HMG20A: variants seen among roughly 807,000 people sequenced by gnomAD.
HMG20A encodes high mobility group protein 20A.
A neutral mutation model predicts 43.9 loss-of-function variants in HMG20A; 17 were observed. The ratio of observed to expected loss-of-function variants is 0.39; its 90% CI spans 0.27 to 0.58. The LOEUF (loss-of-function observed/expected upper bound fraction) is 0.58. Among genes scored for constraint, HMG20A ranks in the 20% least tolerant of loss-of-function variants. HMG20A has a pLI of 0.59. For missense variants in HMG20A, 341 were observed against 438.2 expected, an observed-to-expected ratio of 0.78 and a Z score of 1.98; for synonymous variants, 132 against 147.5, an observed-to-expected ratio of 0.89 and a Z score of 0.76.
the HMG20A span, among the ~76,000 whole-genome samples, chr15:77,517,084 G>A: frequency 6.6e-6 from 1 of 152,284 alleles, no homozygotes; most frequent in African/African-American, 2.4e-5. Context: ...CTTGGTCCTA[G>A]AAGACCTAGG....
At chr15:77,490,218 G>T (rs1279507230), downstream of HMG20A, among the ~76,000 whole-genome samples, 2 of 152,154 alleles carry the variant, frequency 1.3e-5, no homozygotes, top group African/African-American at 2.4e-5. Context: ...AACCCAGGAG[G>T]TGGGGGTTGC....
chr15:77,446,595 CA>C (rs1253618180), intron 1 of HMG20A, among the ~76,000 whole-genome samples: 1 of 152,136 alleles, frequency 6.6e-6, no homozygotes, highest in Non-Finnish European at 1.5e-5. Flanking sequence ...ATCACAAGGT[CA>C]GGAGATCGAG....
At position 77,464,297 on chromosome 15, in the gene HMG20A, A is replaced by C; in HGVS notation, c.147A>C (p.Pro49=). The change falls in exon 3 of 10, where the codon CCA becomes CCC. Residue 49 remains proline, a synonymous_variant. Transcript: ENST00000336216. The part of the protein sequence containing the change: ...SSGATSSTNN[P]EFVEDLSQGQ... ...GCGCCACATCATCCACCAACAATCC[A>C]GAATTTGTGGAGGATCTCTCTCAAG... 1 of 1,613,928 alleles carries C rather than the reference A, an allele frequency of 6.2e-7. No homozygotes were observed. Among genetic ancestry groups the C allele is most frequent in the South Asian group, 1.1e-5 (1 of 91,072 alleles).
intron 6 of HMG20A, 112 bp from the exon 7 acceptor site, chr15:77,477,442 AT>A (rs2072866766): frequency 5.3e-6 from 4 of 759,276 alleles, no homozygotes; most frequent in Middle Eastern, 7.2e-4. Context: ...ACCTGGACTG[AT>A]TCCTGCTCAC....
At chr15:77,443,379 G>GATTATTATT (rs58715798) in intron 1 of HMG20A, among the ~76,000 whole-genome samples, 5,444 of 131,220 alleles carry the variant, frequency 0.041, 162 homozygotes, top group Non-Finnish European at 0.056. Flanking sequence ...TGATGATGAT[G>GATTATTATT]ATTATTATTA....
At chr15:77,443,668 T>C (rs1323051387) in intron 1 of HMG20A, among the ~76,000 whole-genome samples, 1 of 151,774 alleles carries the variant, frequency 6.6e-6, no homozygotes, top group African/African-American at 2.4e-5. Flanking sequence ...TTGAATATTT[T>C]GATGTATTTC....
At chr15:77,491,970 G>A in the HMG20A span, among the ~76,000 whole-genome samples, 7 of 152,328 alleles carry the variant, frequency 4.6e-5, no homozygotes, top group East Asian at 1.4e-3. Flanking sequence ...CCTCAAGGCT[G>A]TTTTTGCAAG....
the HMG20A span, among the ~76,000 whole-genome samples, chr15:77,498,004 CT>C: frequency 6.6e-6 from 1 of 152,068 alleles, no homozygotes; most frequent in Non-Finnish European, 1.5e-5. Flanking sequence ...AGTGGAAGAT[CT>C]TTATCTAGGT....
At chr15:77,471,885 A>ATT in intron 6 of HMG20A, 71 bp downstream of exon 6, 146 of 638,416 alleles carry the variant, frequency 2.3e-4, no homozygotes, top group South Asian at 4.8e-4. Context: ...ATGCTATTGG[A>ATT]TTTTTTTTTT....
chr15:77,519,834 G>C, the HMG20A span, among the ~76,000 whole-genome samples: 3 of 152,222 alleles, frequency 2.0e-5, no homozygotes, highest in African/African-American at 7.2e-5. Flanking sequence ...CAAGGCCAGA[G>C]CCAAGGGGAC....
chr15:77,434,779 A>G (rs2073528369), intron 1 of HMG20A, among the ~76,000 whole-genome samples: 2 of 152,128 alleles, frequency 1.3e-5, no homozygotes, highest in South Asian at 4.1e-4. Context: ...TGAAACTCAT[A>G]TGTTTCTGGT....
the HMG20A span, among the ~76,000 whole-genome samples, chr15:77,494,623 A>G: frequency 6.6e-6 from 1 of 152,244 alleles, no homozygotes; most frequent in Non-Finnish European, 1.5e-5. Context: ...GATGCTAAAC[A>G]TAGTGGCTTA....
chr15:77,439,184 T>G (rs1047931123), intron 1 of HMG20A, among the ~76,000 whole-genome samples: 5 of 152,204 alleles, frequency 3.3e-5, no homozygotes, highest in African/African-American at 1.2e-4. Flanking sequence ...GCTTTCAGGT[T>G]GGGGGCTGAG....
chr15:77,470,978 A>G lies in HMG20A; in HGVS notation c.519A>G (p.Thr173=). 1 of 1,613,586 alleles carries G rather than the reference A, an allele frequency of 6.2e-7. No homozygotes were observed. The highest frequency in any genetic ancestry group is 8.5e-7 in the Non-Finnish European group (1 of 1,179,738). ...YMKELEQYQK[T]EAYKVFSRKT... is the part of the protein sequence containing the mutation. The stretch of plus-strand genomic sequence containing the variant: ...AGGAACTGGAACAGTATCAGAAAAC[A>G]GAGGCCTACAAGGTCTTCAGTAGGA... Residue 173 remains threonine (T), a synonymous_variant, in exon 5 of 10, where the codon ACA becomes ACG. Transcript: ENST00000336216.
At chr15:77,434,252 G>A (rs1027776510) in intron 1 of HMG20A, among the ~76,000 whole-genome samples, 3 of 151,948 alleles carry the variant, frequency 2.0e-5, no homozygotes, top group African/African-American at 7.3e-5. Flanking sequence ...AAATGTGAAA[G>A]AAAAATTTAG....
chr15:77,425,807 A>T (rs1053246362), intron 1 of HMG20A, among the ~76,000 whole-genome samples: 9 of 152,198 alleles, frequency 5.9e-5, no homozygotes, highest in African/African-American at 2.2e-4. Context: ...AACTTAAAAC[A>T]TGTTCACACA....
intron 1 of HMG20A, among the ~76,000 whole-genome samples, chr15:77,446,126 C>T (rs2073671148): frequency 6.6e-6 from 1 of 152,134 alleles, no homozygotes; most frequent in South Asian, 2.1e-4. Flanking sequence ...GGTGTTTTCT[C>T]AGCTGGTGTT....
intron 4 of HMG20A, among the ~76,000 whole-genome samples, chr15:77,470,277 GTA>G (rs2072795201): frequency 6.6e-6 from 1 of 152,078 alleles, no homozygotes; most frequent in Non-Finnish European, 1.5e-5. Flanking sequence ...AATAATCCTG[GTA>G]GATCAATGAA....
In HMG20A at chr15:77,468,624, C is replaced by CACTT. The variant is rs1220561092; in HGVS notation, c.450+1318_450+1321dup. Among the ~76,000 whole-genome samples the CACTT allele has an allele frequency of 2.0e-5, 3 of 151,838 alleles. No individual in the cohort carries two copies. The East Asian group carries it at 5.8e-4, about 29-fold the overall frequency. On this transcript the variant is annotated intron_variant, in intron 4 of 9. Transcript: ENST00000336216. ...ACACACACACACACACACACACACA[C>CACTT]ACTTGCATGTGTACACCCAGACACA...
Sources: allele counts gnomAD v4.1 joint callset (sites outside exome capture counted in the v4.1 genomes callset), GRCh38; gene constraint gnomAD v4.1.1; transcripts MANE v1.5; gene names NCBI Gene and HGNC (gene_info 2026-07-23, HGNC 2026-07-21).